PCDHGA12: variants seen among roughly 807,000 people sequenced by gnomAD.
PCDHGA12 encodes protocadherin gamma subfamily A, 12.
In PCDHGA12, 43 loss-of-function variants were observed where a neutral mutation model predicts 61.1. The observed-to-expected ratio is 0.70, with a 90% CI of 0.55 to 0.91. PCDHGA12 has a LOEUF of 0.91. Among genes scored for constraint, PCDHGA12 ranks in the 40% least tolerant of loss-of-function variants. PCDHGA12 has a pLI of 0.00. For missense variants in PCDHGA12, 1,236 were observed against 1,227.7 expected (o/e 1.01, Z -0.10); for synonymous variants, 520 against 542.9 (o/e 0.96, Z 0.59).
rs1286991812 is a variant in PCDHGA12 at position 141,432,170 on chromosome 5, C to T, written c.1411C>T (p.Leu471Phe). The T allele has an allele frequency of 1.2e-6, 2 of 1,614,072 alleles. No homozygotes were observed. The highest frequency in any genetic ancestry group is 1.7e-6 in the Non-Finnish European group (2 of 1,180,036). ...IPENNPRGVSLVSVTAHDPDC... is the reference protein window; with the variant it reads ...IPENNPRGVSFVSVTAHDPDC... ...AGAGAACAATCCCAGAGGAGTTTCC[C>T]TCGTCTCTGTGACCGCCCACGACCC... The change falls in exon 1 of 4, where the codon CTC becomes TTC. Residue 471 changes from leucine (L) to phenylalanine (F), a missense_variant. By Grantham distance (22) the Leu-to-Phe change is conservative. Coordinates refer to ENST00000252085, the MANE Select transcript of PCDHGA12 (RefSeq NM_003735.3). This position sits in a 1 kb window ranked among gnomAD's most constrained non-coding sequence, Gnocchi z 6.0.
At chr5:141,452,240 C>G (rs1365703172) in intron 1 of PCDHGA12, among the ~76,000 whole-genome samples, 1 of 152,084 alleles carries the variant, frequency 6.6e-6, no homozygotes, top group Non-Finnish European at 1.5e-5. Flanking sequence ...TTCTTGTGTC[C>G]TTTTGCCATA....
Position 141,432,811 on chromosome 5 carries a change from T to G in PCDHGA12, c.2052T>G (p.Ser684=). Reference sequence around the variant, plus strand: ...GCAGCCTCGAGTCTCCAGCTAACTCTGAAACCTCAGACCTCACTCTGTACC... The same window carrying G: ...GCAGCCTCGAGTCTCCAGCTAACTCGGAAACCTCAGACCTCACTCTGTACC... ...DLGSLESPAN[S]ETSDLTLYLV... Residue 684 remains serine, a synonymous_variant, in exon 1 of 4, where the codon TCT becomes TCG. Transcript: ENST00000252085. The surrounding 1 kb of genome is among the most constrained non-coding windows in gnomAD (Gnocchi z 6.0). 1 of 1,614,126 alleles carries G rather than the reference T, an allele frequency of 6.2e-7. No homozygotes were observed. Among genetic ancestry groups the G allele is most frequent in the Non-Finnish European group, 8.5e-7 (1 of 1,179,988 alleles).
At chr5:141,473,635 C>A (rs945632106) in intron 1 of PCDHGA12, among the ~76,000 whole-genome samples, 1 of 152,128 alleles carries the variant, frequency 6.6e-6, no homozygotes, top group African/African-American at 2.4e-5. Flanking sequence ...AGCAGCTTTC[C>A]TGGCAAAGGA....
intron 3 of PCDHGA12, among the ~76,000 whole-genome samples, chr5:141,510,330 C>T (rs1420880240): frequency 6.6e-6 from 1 of 151,298 alleles, no homozygotes; most frequent in Non-Finnish European, 1.5e-5. Context: ...GCACTCTTCA[C>T]CCCCACCCCA....
At chr5:141,449,537 C>A (rs1377909573) in intron 1 of PCDHGA12, among the ~76,000 whole-genome samples, 1 of 146,334 alleles carries the variant, frequency 6.8e-6, no homozygotes, top group Non-Finnish European at 1.5e-5. Flanking sequence ...TGCAGTGAGC[C>A]GAGATCGCAC....
Position 141,511,378 on chromosome 5 carries a change from T to C in PCDHGA12, c.*205T>C. 1 of 1,202,114 alleles carries C rather than the reference T, an allele frequency of 8.3e-7. No homozygotes were observed. The highest frequency in any genetic ancestry group is 1.1e-6 in the Non-Finnish European group (1 of 882,194). The allele number at this position is 1,202,114 out of a possible 1,614,324, so 74.5% of individuals were successfully genotyped here. A position where few individuals can be genotyped will look rare whatever the true frequency, so the allele number is the denominator to read the frequency against. On this transcript the variant is annotated 3_prime_UTR_variant, in exon 4 of 4. Coordinates refer to ENST00000252085, the MANE Select transcript of PCDHGA12 (RefSeq NM_003735.3). ...AGGGGGTTGAATATGCAAAAGCAGT[T>C]CCGCTGGGAACCCCCATCCAATCAA...
At position 141,489,662 on chromosome 5, in the gene PCDHGA12, G is replaced by A. The variant is rs2233601; in HGVS notation, c.2425-5145G>A. On this transcript the variant is annotated intron_variant, in intron 1 of 3. Coordinates refer to ENST00000252085, the MANE Select transcript of PCDHGA12 (RefSeq NM_003735.3). This position sits in a 1 kb window ranked among gnomAD's most constrained non-coding sequence, Gnocchi z 4.5. ...TTTGCCACCCCTGAGCGAGAGATGC[G>A]CATCTCAGAATCAGCAGCATCTGGG... The A allele has an allele frequency of 4.0e-4, 649 of 1,614,144 alleles. 2 individuals are homozygous for A. The highest frequency in any genetic ancestry group is 1.5e-3 in the Middle Eastern group (9 of 6,062).
chr5:141,490,419 G>T lies in PCDHGA12; in HGVS notation c.2425-4388G>T, dbSNP rs1424302713. ...TGAGCCTTGATATCTCTCCGGACCT[G>T]CCATTTCAGATTAAGCCTTCTGAGA... is the stretch of plus-strand genomic sequence containing the variant. On this transcript the variant is annotated intron_variant, in intron 1 of 3. Transcript: ENST00000252085. The surrounding 1 kb of genome is among the most constrained non-coding windows in gnomAD (Gnocchi z 5.4). The T allele has an allele frequency of 6.2e-7, 1 of 1,614,170 alleles. No homozygotes were observed. The highest frequency in any genetic ancestry group is 8.5e-7 in the Non-Finnish European group (1 of 1,180,020).
intron 2 of PCDHGA12, among the ~76,000 whole-genome samples, chr5:141,500,194 T>G (rs994324188): frequency 2.1e-4 from 31 of 147,918 alleles, no homozygotes; most frequent in African/African-American, 7.7e-4. Context: ...TTTTATTTAT[T>G]TATTTATTTA....
rs774682943 is a variant in PCDHGA12 at position 141,493,841 on chromosome 5, T to G, written c.2425-966T>G. Among the ~76,000 whole-genome samples the G allele has an allele frequency of 3.3e-5, 5 of 152,024 alleles. No homozygotes were observed. Among genetic ancestry groups the G allele is most frequent in the Non-Finnish European group, 7.4e-5 (5 of 68,010 alleles). On this transcript the variant is annotated intron_variant, in intron 1 of 3. Transcript: ENST00000252085. This position sits in a 1 kb window ranked among gnomAD's most constrained non-coding sequence, Gnocchi z 4.3. The stretch of plus-strand genomic sequence containing the variant: ...CTCTGCTTCTGGGAGCAAGTATGAG[T>G]ATTAATTACCAGCCCACCCCAGAAC...
rs1205836590 is a variant in PCDHGA12 at position 141,476,270 on chromosome 5, G to A, written c.2425-18537G>A. The A allele has an allele frequency of 6.2e-7, 1 of 1,614,088 alleles. No individual in the cohort carries two copies. Among genetic ancestry groups the A allele is most frequent in the Admixed American group, 1.7e-5 (1 of 60,026 alleles). Reference sequence around the variant, plus strand: ...GGGTTTCGCTGTGGGCAACGTGGTCGCGAACCTTGGTTTGGATCTCGGTAG... The same window carrying A: ...GGGTTTCGCTGTGGGCAACGTGGTCACGAACCTTGGTTTGGATCTCGGTAG... On this transcript the variant is annotated intron_variant, in intron 1 of 3. Transcript: ENST00000252085. The surrounding 1 kb of genome is among the most constrained non-coding windows in gnomAD (Gnocchi z 7.6).
At position 141,489,264 on chromosome 5, in the gene PCDHGA12, G is replaced by T. The variant is rs1314393358; in HGVS notation, c.2425-5543G>T. 10 of 1,553,088 alleles carry T rather than the reference G, an allele frequency of 6.4e-6. No individual in the cohort carries two copies. Among genetic ancestry groups the T allele is most frequent in the Non-Finnish European group, 7.0e-6 (8 of 1,149,620 alleles). ...TCATGGGGCCCAAGACACTCCCACA[G>T]CTCGCTGGGAAATGGCAAGTGCTGT... On this transcript the variant is annotated intron_variant, in intron 1 of 3. Transcript: ENST00000252085. The surrounding 1 kb of genome is among the most constrained non-coding windows in gnomAD (Gnocchi z 4.5).
intron 2 of PCDHGA12, among the ~76,000 whole-genome samples, chr5:141,496,744 T>C (rs1383447795): frequency 6.6e-6 from 1 of 152,170 alleles, no homozygotes; most frequent in Non-Finnish European, 1.5e-5. Context: ...GTTCATTTAT[T>C]CAACAAATAT....
chr5:141,503,471 C>A (rs2099820129), intron 2 of PCDHGA12, among the ~76,000 whole-genome samples: 1 of 151,836 alleles, frequency 6.6e-6, no homozygotes, highest in African/African-American at 2.4e-5. Context: ...GGCATGTGTG[C>A]ACTTGTCGTC....
rs1314264090 is a variant in PCDHGA12, at chr5:141,490,459, C to T, written c.2425-4348C>T. 7 of 1,614,100 alleles carry T rather than the reference C, an allele frequency of 4.3e-6. No homozygotes were observed. Among genetic ancestry groups the T allele is most frequent in the Non-Finnish European group, 5.9e-6 (7 of 1,180,040 alleles). ...GCCTTCTGAGAACCACTACTCGCTG[C>T]TAACCAGCCAGCCTTTGGACCGGGA... On this transcript the variant is annotated intron_variant, in intron 1 of 3. Coordinates refer to ENST00000252085, the MANE Select transcript of PCDHGA12 (RefSeq NM_003735.3). The surrounding 1 kb of genome is among the most constrained non-coding windows in gnomAD (Gnocchi z 5.4).
intron 1 of PCDHGA12, 48 bp from the exon 2 acceptor site, chr5:141,494,759 C>CT: frequency 6.2e-7 from 1 of 1,613,886 alleles, no homozygotes; most frequent in Non-Finnish European, 8.5e-7. Flanking sequence ...GGGTGACATT[C>CT]TAACTTCTCA....
chr5:141,494,832 G>T lies in PCDHGA12; in HGVS notation c.2450G>T (p.Arg817Leu). 1 of 1,614,066 alleles carries T rather than the reference G, an allele frequency of 6.2e-7. No homozygotes were observed. ...CAAGCCCCGCCCAACACGGACTGGCGTTTCTCTCAGGCCCAGAGACCCGGC... is the reference window on the plus strand; with the variant it reads ...CAAGCCCCGCCCAACACGGACTGGCTTTTCTCTCAGGCCCAGAGACCCGGC... The part of the protein sequence containing the change: ...IEQAPPNTDW[R>L]FSQAQRPGTS... The change falls in exon 2 of 4, where the codon CGT becomes CTT. Residue 817 changes from arginine to leucine, a missense_variant. Transcript: ENST00000252085.
At position 141,481,036 on chromosome 5, in the gene PCDHGA12, C is replaced by T. The variant is rs1040377549; in HGVS notation, c.2425-13771C>T. Among the ~76,000 whole-genome samples, 19 of 151,964 alleles carry T rather than the reference C, an allele frequency of 1.3e-4. 1 individual carries two copies. The highest frequency in any genetic ancestry group is 3.4e-4 in the African/African-American group (14 of 41,456). ...TCACACCACTGCACTCCAGCCTGGG[C>T]GACAGAGCGAGACTCCACCTCAAAA... is the stretch of plus-strand genomic sequence containing the variant. On this transcript the variant is annotated intron_variant, in intron 1 of 3. Transcript: ENST00000252085.
chr5:141,487,596 A>T lies in PCDHGA12; in HGVS notation c.2425-7211A>T. The stretch of plus-strand genomic sequence containing the variant: ...GTTCGCCCAAGCTGCCCACCCTCTG[A>T]TCTTCTCTATGGGCTAGAGGTGAGA... On this transcript the variant is annotated intron_variant, in intron 1 of 3. Transcript: ENST00000252085. The surrounding 1 kb of genome is among the most constrained non-coding windows in gnomAD (Gnocchi z 5.0). The T allele has an allele frequency of 1.2e-6, 2 of 1,614,108 alleles. No individual in the cohort carries two copies. Among genetic ancestry groups the T allele is most frequent in the Non-Finnish European group, 8.5e-7 (1 of 1,180,024 alleles).
Sources: allele counts gnomAD v4.1 joint callset (sites outside exome capture counted in the v4.1 genomes callset), GRCh38; gene constraint gnomAD v4.1.1; non-coding constraint Gnocchi (gnomAD v3.1); transcripts MANE v1.5; gene names NCBI Gene and HGNC (gene_info 2026-07-23, HGNC 2026-07-21).